EFR3A: variants seen among roughly 807,000 people sequenced by gnomAD.
The protein encoded by EFR3A is EFR3 homolog A, also known as protein EFR3 homolog A.
In EFR3A, 76 loss-of-function variants were observed where a neutral mutation model predicts 104.4. That is an observed-to-expected ratio of 0.73 (90% confidence interval 0.60 to 0.88). The LOEUF is 0.88. Among genes scored for constraint, EFR3A ranks in the 40% least tolerant of loss-of-function variants. The pLI is 0.00. For missense variants in EFR3A, 985 were observed against 1,012.5 expected (o/e 0.97, Z 0.37); for synonymous variants, 330 against 330.0 (o/e 1.00, Z 0.00).
intron 19 of EFR3A, 26 bp downstream of exon 19, chr8:131,996,523 A>T: frequency 6.7e-7 from 1 of 1,492,852 alleles, no homozygotes; most frequent in Non-Finnish European, 9.1e-7. Context: ...TTTATGGTAG[A>T]GTACTGTCTT....
intron 17 of EFR3A, among the ~76,000 whole-genome samples, 176 bp from the exon 18 acceptor site, chr8:131,987,394 CTGTGT>C (rs2130765158): frequency 6.6e-6 from 1 of 152,254 alleles, no homozygotes; most frequent in East Asian, 1.9e-4. Flanking sequence ...GGACCACATA[CTGTGT>C]GTTTTTAAAG....
In EFR3A at chr8:131,944,789, A is replaced by G. The variant is rs781271015; in HGVS notation, c.132A>G (p.Ala44=). ...ATATGGAGAAATTGACATTTTATGC[A>G]GTATCTGCTCCAGAGAAACTGGATC... ...KTDMEKLTFY[A]VSAPEKLDRI... Residue 44 remains alanine (A), a synonymous_variant, in exon 3 of 23, where the codon GCA becomes GCG. Transcript: ENST00000254624. 14 of 1,607,186 alleles carry G rather than the reference A, an allele frequency of 8.7e-6. No individual in the cohort carries two copies. The South Asian group carries it at 1.2e-4, about 14-fold the overall frequency.
intron 22 of EFR3A, among the ~76,000 whole-genome samples, chr8:132,009,789 G>A (rs1822239380): frequency 6.6e-6 from 1 of 151,872 alleles, no homozygotes; most frequent in African/African-American, 2.4e-5. Context: ...TGATGTAGAG[G>A]GAAAGTTTTT....
intron 18 of EFR3A, among the ~76,000 whole-genome samples, chr8:131,992,848 G>A (rs1283198226): frequency 6.6e-6 from 1 of 152,128 alleles, no homozygotes; most frequent in South Asian, 2.1e-4. Flanking sequence ...AGCCTAGAAT[G>A]TCCTTTTAAT....
At chr8:131,968,014 T>C (rs999803409) in intron 8 of EFR3A, among the ~76,000 whole-genome samples, 5 of 152,156 alleles carry the variant, frequency 3.3e-5, no homozygotes, top group Non-Finnish European at 7.4e-5. Flanking sequence ...GTTAATCTTT[T>C]TATATATAAT....
chr8:131,908,034 G>T (rs1024694455), intron 1 of EFR3A, among the ~76,000 whole-genome samples: 4 of 151,818 alleles, frequency 2.6e-5, no homozygotes, highest in African/African-American at 9.7e-5. Context: ...TAATGCTGGA[G>T]AAAGAGAAAG....
chr8:132,007,502 A>T (rs57926613), intron 22 of EFR3A, among the ~76,000 whole-genome samples: 46,787 of 151,746 alleles, frequency 0.31, 7,723 homozygotes, highest in East Asian at 0.61. Flanking sequence ...TACCATGTTC[A>T]TGGACTGAAG....
intron 1 of EFR3A, among the ~76,000 whole-genome samples, chr8:131,927,232 G>A (rs77891362): frequency 0.012 from 1,813 of 152,292 alleles, 30 homozygotes; most frequent in African/African-American, 0.041. Flanking sequence ...GGCTGAGGCT[G>A]GGAGGTAAGT....
chr8:131,926,165 ATAT>A (rs1231744915), intron 1 of EFR3A, among the ~76,000 whole-genome samples: 2 of 152,182 alleles, frequency 1.3e-5, no homozygotes, highest in African/African-American at 4.8e-5. Context: ...TATACTTCAA[ATAT>A]TAATATGAAT....
At chr8:131,949,430 T>C (rs1818591911) in intron 4 of EFR3A, among the ~76,000 whole-genome samples, 1 of 152,170 alleles carries the variant, frequency 6.6e-6, no homozygotes, top group Non-Finnish European at 1.5e-5. Context: ...AAATACACTG[T>C]CATTATTATG....
At chr8:132,001,919 C>A in intron 20 of EFR3A, 112 bp downstream of exon 20, 1 of 894,366 alleles carries the variant, frequency 1.1e-6, no homozygotes, top group Non-Finnish European at 1.8e-6. Context: ...ACCAAAGAAA[C>A]TTGTTGGCTT....
At chr8:131,934,817 A>G (rs1316607102) in intron 1 of EFR3A, among the ~76,000 whole-genome samples, 3 of 152,096 alleles carry the variant, frequency 2.0e-5, no homozygotes, top group Non-Finnish European at 4.4e-5. Context: ...ATACACACAC[A>G]TACACACATA....
chr8:131,928,879 C>A (rs1439142048), intron 1 of EFR3A, among the ~76,000 whole-genome samples: 1 of 151,854 alleles, frequency 6.6e-6, no homozygotes, highest in African/African-American at 2.4e-5. Flanking sequence ...AAAAATTATT[C>A]TTTGCATTTT....
intron 1 of EFR3A, among the ~76,000 whole-genome samples, chr8:131,911,238 A>G (rs1432540176): frequency 2.6e-5 from 4 of 152,216 alleles, no homozygotes; most frequent in Admixed American, 6.5e-5. Context: ...TGATGCCAAT[A>G]TAAGTATGTC....
intron 18 of EFR3A, among the ~76,000 whole-genome samples, chr8:131,994,952 A>T (rs956308079): frequency 2.6e-5 from 4 of 152,116 alleles, no homozygotes; most frequent in African/African-American, 9.7e-5. Context: ...TCTTTTTAGG[A>T]CTGGGAGTAG....
chr8:131,946,778 C>T (rs1818463846), intron 4 of EFR3A, 145 bp downstream of exon 4: 6 of 753,990 alleles, frequency 8.0e-6, no homozygotes, highest in Admixed American at 4.1e-5. Flanking sequence ...AATTAGAATA[C>T]TTTGCCTCTC....
At chr8:131,924,208 C>A (rs1030194854) in intron 1 of EFR3A, 1 of 330,198 alleles carries the variant, frequency 3.0e-6, no homozygotes, top group South Asian at 2.2e-5. Context: ...TTCTGCATAC[C>A]CCATTCAGCA....
chr8:131,976,192 C>A, intron 11 of EFR3A, 51 bp downstream of exon 11: 2 of 1,133,098 alleles, frequency 1.8e-6, no homozygotes, highest in South Asian at 1.5e-5. Flanking sequence ...ACATTTTATC[C>A]TAACGAAATC....
chr8:132,003,491 T>C lies in EFR3A; in HGVS notation c.2360+206T>C, dbSNP rs140173853. On this transcript the variant is annotated intron_variant, in intron 22 of 22. Coordinates refer to ENST00000254624, the MANE Select transcript of EFR3A (RefSeq NM_015137.6). ...GAGTCTGATACCCTTTCTTGACTAG[T>C]TGTCCTCTAGCTTTTTAGCTTCTTT... 1.1e-3 allele frequency among the ~76,000 whole-genome samples: 165 copies of C among 152,314 alleles called. No homozygotes were observed. In the Middle Eastern group the frequency reaches 0.014, roughly 13 times the overall value.
Sources: gnomAD v4.1 joint callset for allele counts (sites outside exome capture counted in the v4.1 genomes callset) on GRCh38, gnomAD v4.1.1 for gene constraint, MANE v1.5 for transcripts, NCBI Gene and HGNC (gene_info 2026-07-23, HGNC 2026-07-21) for gene names.